Variants in CFI observed in about 807,000 individuals in gnomAD.
The protein encoded by CFI is C3B/C4B inactivator.
Under a neutral mutation model 78.8 loss-of-function variants are expected in CFI, and 66 were observed. That is an observed-to-expected ratio of 0.84 (90% CI 0.69 to 1.03). The LOEUF (loss-of-function observed/expected upper bound fraction) is 1.03, where lower values mean the gene tolerates loss of function less well. Among genes scored for constraint, CFI ranks in the 50% least tolerant of loss-of-function variants. CFI has a pLI of 0.00. For synonymous variants in CFI, 250 were observed against 232.6 expected (o/e 1.07, Z -0.68); for missense variants, 706 against 704.5 (o/e 1.00, Z -0.02).
intron 1 of CFI, among the ~76,000 whole-genome samples, chr4:109,785,083 CT>C (rs1415459205): frequency 3.3e-5 from 5 of 152,102 alleles, no homozygotes; most frequent in Non-Finnish European, 5.9e-5. Flanking sequence ...GATCCACCCC[CT>C]GCCCACAAAT....
intron 12 of CFI, chr4:109,741,372 G>A: frequency 6.1e-6 from 6 of 985,360 alleles, no homozygotes; most frequent in Non-Finnish European, 7.2e-6. Context: ...GTACTGAGAT[G>A]AGATTGCAAC....
rs1319084555 is a variant in CFI at position 109,766,479 on chromosome 4, A to AT, written c.328+74dup. On this transcript the variant is annotated intron_variant, in intron 2 of 12. Coordinates refer to ENST00000394634, the MANE Select transcript of CFI (RefSeq NM_000204.5). The stretch of plus-strand genomic sequence containing the variant: ...TCATCATAACATACACAAGAGAATT[A>AT]TTTTCTGATAGAAAGTATGGCATAC... 181 of 1,548,116 alleles carry AT rather than the reference A, an allele frequency of 1.2e-4. No individual in the cohort carries two copies. In the Middle Eastern group the frequency reaches 1.7e-3, roughly 14 times the overall value.
In CFI at chr4:109,764,530, C is replaced by T. The variant is rs765922749; in HGVS notation, c.482+7G>A. 186 of 1,613,816 alleles carry T rather than the reference C, an allele frequency of 1.2e-4. No individual in the cohort carries two copies. The highest frequency in any genetic ancestry group is 1.3e-4 in the Non-Finnish European group (151 of 1,179,972). On this transcript the variant is annotated splice_region_variant and intron_variant, in intron 3 of 12. Transcript: ENST00000394634. ...CCATGAGAAAATCCACTGATACAAG[C>T]GCTCACTGTTGAAACCCAAGGTCAA... is the stretch of plus-strand genomic sequence containing the variant.
At chr4:109,748,623 T>G (rs1477183947) in intron 10 of CFI, among the ~76,000 whole-genome samples, 1 of 151,912 alleles carries the variant, frequency 6.6e-6, no homozygotes, top group African/African-American at 2.4e-5. Context: ...TATATGAAGG[T>G]CCCTTTGCAG....
At chr4:109,800,209 T>A (rs1385653790) in intron 1 of CFI, among the ~76,000 whole-genome samples, 1 of 151,970 alleles carries the variant, frequency 6.6e-6, no homozygotes, top group East Asian at 1.9e-4. Flanking sequence ...CATATGTGCC[T>A]GAGTTTGTAA....
Position 109,742,735 on chromosome 4 carries a change from G to A in CFI, c.1430-140C>T, listed in dbSNP as rs114756333. The A allele has an allele frequency of 1.9e-3, 1,200 of 636,106 alleles. 16 individuals are homozygous for A. Among genetic ancestry groups the A allele is most frequent in the African/African-American group, 0.018 (984 of 54,406 alleles). 39.4% of individuals were successfully genotyped at this position (636,106 alleles called of 1,614,324 possible). Reference sequence around the variant, plus strand: ...AAATTTTTGAGAACTCTTCCTTAGCGTGTTTAATCATATCATATGTCTATT... The same window carrying A: ...AAATTTTTGAGAACTCTTCCTTAGCATGTTTAATCATATCATATGTCTATT... On this transcript the variant is annotated intron_variant, in intron 11 of 12. Transcript: ENST00000394634.
At chr4:109,798,582 A>G (rs185476269) in intron 1 of CFI, among the ~76,000 whole-genome samples, 33 of 151,734 alleles carry the variant, frequency 2.2e-4, no homozygotes, top group African/African-American at 8.0e-4. Context: ...GGAACAGATT[A>G]TGTTCATTTC....
chr4:109,742,586 C>T lies in CFI; in HGVS notation c.1439G>A (p.Arg480Lys). The change falls in exon 12 of 13, where the codon AGA becomes AAA. Residue 480 changes from arginine to lysine, a missense_variant. Arg to Lys is a conservative substitution (Grantham distance 26). Transcript: ENST00000394634. ...TTCACCCCACTGAAGTGAAAAGACT[C>T]TTTCGTTATCTAAACAAAGTGAGAA... is the stretch of plus-strand genomic sequence containing the variant. ...SGWGREKDNE[R>K]VFSLQWGEVK... 1 of 1,600,570 alleles carries T rather than the reference C, an allele frequency of 6.2e-7. No individual in the cohort carries two copies. The highest frequency in any genetic ancestry group is 8.6e-7 in the Non-Finnish European group (1 of 1,167,844).
At position 109,761,512 on chromosome 4, in the gene CFI, C is replaced by A; in HGVS notation, c.658+5G>T. 1 of 1,614,030 alleles carries A rather than the reference C, an allele frequency of 6.2e-7. No individual in the cohort carries two copies. The highest frequency in any genetic ancestry group is 2.2e-5 in the East Asian group (1 of 44,854). On this transcript the variant is annotated splice_donor_5th_base_variant and intron_variant, in intron 4 of 12. Transcript: ENST00000394634. Reference sequence around the variant, plus strand: ...GGGAAAATAACAGGCAAATACTCCACCAACCTGCTTTCTGTGTATAACAAA... The same window carrying A: ...GGGAAAATAACAGGCAAATACTCCAACAACCTGCTTTCTGTGTATAACAAA...
At chr4:109,745,799 A>T (rs796615729) in intron 11 of CFI, among the ~76,000 whole-genome samples, 10 of 152,130 alleles carry the variant, frequency 6.6e-5, no homozygotes, top group African/African-American at 2.4e-4. Flanking sequence ...AAATCCAAAC[A>T]GTCCATGCTG....
At chr4:109,731,561 A>G in the CFI span, among the ~76,000 whole-genome samples, 2 of 152,216 alleles carry the variant, frequency 1.3e-5, no homozygotes, top group Admixed American at 1.3e-4. Flanking sequence ...TCAGAACACT[A>G]CTTTACAAGG....
intron 1 of CFI, among the ~76,000 whole-genome samples, chr4:109,795,237 G>A (rs551701452): frequency 8.5e-5 from 13 of 152,170 alleles, no homozygotes; most frequent in Admixed American, 4.6e-4. Flanking sequence ...AGGCCTGCCC[G>A]TGGACCACAG....
chr4:109,768,118 A>T lies in CFI; in HGVS notation c.58-1294T>A, dbSNP rs1320010229. On this transcript the variant is annotated intron_variant, in intron 1 of 12. Transcript: ENST00000394634. ...GGACACAGGAAGGGGAACATCACAC[A>T]CTGGGGCCTGTTGTGGGGTGGGGGG... Among the ~76,000 whole-genome samples, 7 of 107,176 alleles carry T rather than the reference A, an allele frequency of 6.5e-5. No individual in the cohort carries two copies. In the Admixed American group the frequency reaches 6.7e-4, roughly 10 times the overall value. The allele number at this position is 107,176 out of a possible 152,430, so 70.3% of individuals were successfully genotyped here.
chr4:109,747,593 A>G (rs1440241174), intron 10 of CFI, among the ~76,000 whole-genome samples: 1 of 152,236 alleles, frequency 6.6e-6, no homozygotes, highest in Non-Finnish European at 1.5e-5. Flanking sequence ...GTGCTAAATT[A>G]TGACCTCATA....
intron 1 of CFI, among the ~76,000 whole-genome samples, chr4:109,767,102 C>T (rs1438598041): frequency 6.6e-6 from 1 of 152,186 alleles, no homozygotes; most frequent in African/African-American, 2.4e-5. Context: ...AACTGGATCC[C>T]TTCCTTACAC....
At chr4:109,801,800 G>A (rs1732796610) in intron 1 of CFI, 115 bp downstream of exon 1, 2 of 693,846 alleles carry the variant, frequency 2.9e-6, no homozygotes, top group East Asian at 2.8e-5. Context: ...TGGCATTGTT[G>A]TAACTGAACT....
In CFI at chr4:109,746,289, G is replaced by A. The variant is rs1273141445; in HGVS notation, c.1362C>T (p.Val454=). ...GTTGGAATAGGTAAGGAGACCAGGG[G>A]ACACAGGCAGGGATGGAACGAGGCA... ...CELPRSIPAC[V]PWSPYLFQPN... Residue 454 remains valine (V), a synonymous_variant, in exon 11 of 13, where the codon GTC becomes GTT. Transcript: ENST00000394634. 1.2e-6 allele frequency: 2 copies of A among 1,614,174 alleles called. No individual in the cohort carries two copies. Among genetic ancestry groups the A allele is most frequent in the Non-Finnish European group, 1.7e-6 (2 of 1,180,012 alleles).
At chr4:109,740,292 A>G (rs1412228394), downstream of CFI, among the ~76,000 whole-genome samples, 3 of 152,088 alleles carry the variant, frequency 2.0e-5, no homozygotes, top group Non-Finnish European at 4.4e-5. Flanking sequence ...CTTTGCCTCA[A>G]AAAAAGAAAG....
At chr4:109,777,042 G>A (rs889948813) in intron 1 of CFI, among the ~76,000 whole-genome samples, 1 of 152,130 alleles carries the variant, frequency 6.6e-6, no homozygotes, top group Non-Finnish European at 1.5e-5. Context: ...AGACCATCAA[G>A]GCTAGGAAGA....
Sources: gnomAD v4.1 joint callset for allele counts (sites outside exome capture counted in the v4.1 genomes callset) on GRCh38, gnomAD v4.1.1 for gene constraint, MANE v1.5 for transcripts, NCBI Gene and HGNC (gene_info 2026-07-23, HGNC 2026-07-21) for gene names.